RNF17: variants seen among roughly 807,000 people sequenced by gnomAD.
RNF17 encodes the protein spermatogenesis associated 23.
In RNF17, 31 loss-of-function variants were observed where a neutral mutation model predicts 200.5. The observed-to-expected ratio is 0.15, with a 90% CI of 0.12 to 0.21. The LOEUF (loss-of-function observed/expected upper bound fraction) is 0.21. Ranked by LOEUF, RNF17 falls within the 10% of genes least tolerant of loss-of-function variation. The probability of loss-of-function intolerance (pLI) is 1.00; values close to 1 mark genes in which losing one functional copy is unlikely to be tolerated. For missense variants in RNF17, 1,628 were observed against 1,905.1 expected (o/e 0.85, Z 2.71); for synonymous variants, 606 against 637.8 (o/e 0.95, Z 0.75).
chr13:24,826,013 AG>A, intron 16 of RNF17: 1 of 984,928 alleles, frequency 1.0e-6, no homozygotes, highest in Non-Finnish European at 1.2e-6. Flanking sequence ...GATAGAACAA[AG>A]CAACAGAAAT....
the RNF17 span, among the ~76,000 whole-genome samples, chr13:24,885,040 A>C: frequency 1.3e-5 from 2 of 152,222 alleles, no homozygotes; most frequent in East Asian, 3.8e-4. Context: ...GCTGCAAGAA[A>C]GGAAGACCTA....
rs184509116 is a variant in RNF17 at position 24,851,674 on chromosome 13, G to T, written c.3320+103G>T. 4,600 of 679,236 alleles carry T rather than the reference G, an allele frequency of 6.8e-3. 21 individuals carry two copies. Among genetic ancestry groups the T allele is most frequent in the Non-Finnish European group, 9.3e-3 (3,773 of 405,754 alleles). The allele number at this position is 679,236 out of a possible 1,614,324, so 42.1% of individuals were successfully genotyped here. On this transcript the variant is annotated intron_variant, in intron 24 of 35. Coordinates refer to ENST00000255324, the MANE Select transcript of RNF17 (RefSeq NM_031277.3). Reference sequence around the variant, plus strand: ...TTCAAGTCTGAATTGCATCTTGTTTGCTCTTAAAGATTTATAAGCTGACCC... The same window carrying T: ...TTCAAGTCTGAATTGCATCTTGTTTTCTCTTAAAGATTTATAAGCTGACCC...
intron 15 of RNF17, among the ~76,000 whole-genome samples, chr13:24,807,311 T>A (rs1359016264): frequency 1.3e-5 from 2 of 151,288 alleles, no homozygotes; most frequent in African/African-American, 4.9e-5. Context: ...CCAGCACCTG[T>A]TGTTTCCTGA....
Position 24,820,144 on chromosome 13 carries a change from CAA to C in RNF17, c.2092-5474_2092-5473del, listed in dbSNP as rs1318288063. On this transcript the variant is annotated intron_variant, in intron 15 of 35. Transcript: ENST00000255324. Reference sequence around the variant, plus strand: ...TTCTTTTTTTTTTTTTTTTTTGAGACAAGAGTCTTGCTCTCTTGCCCAGGCTG... The same window carrying C: ...TTCTTTTTTTTTTTTTTTTTTGAGACGAGTCTTGCTCTCTTGCCCAGGCTG... Among the ~76,000 whole-genome samples the C allele has an allele frequency of 4.5e-4, 56 of 124,348 alleles. 1 individual carries two copies. The highest frequency in any genetic ancestry group is 4.5e-3 in the Admixed American group (45 of 10,076). The allele number at this position is 124,348 out of a possible 152,430, so 81.6% of individuals were successfully genotyped here.
intron 25 of RNF17, among the ~76,000 whole-genome samples, 159 bp downstream of exon 25, chr13:24,854,303 A>G (rs1161193249): frequency 6.6e-6 from 1 of 152,226 alleles, no homozygotes; most frequent in African/African-American, 2.4e-5. Flanking sequence ...AATGCCTAAC[A>G]TAAAAATCAT....
intron 2 of RNF17, among the ~76,000 whole-genome samples, chr13:24,770,089 A>G (rs9507406): frequency 0.13 from 19,251 of 152,192 alleles, 1,515 homozygotes; most frequent in East Asian, 0.28. Context: ...TCATCCAATC[A>G]ATAGATAATT....
chr13:24,782,840 T>C (rs1190964458), intron 6 of RNF17, among the ~76,000 whole-genome samples: 1 of 152,200 alleles, frequency 6.6e-6, no homozygotes, highest in Non-Finnish European at 1.5e-5. Context: ...CAATATTTTC[T>C]CCCATTTGTA....
At chr13:24,773,639 A>G (rs563930905) in intron 2 of RNF17, among the ~76,000 whole-genome samples, 124 of 152,312 alleles carry the variant, frequency 8.1e-4, no homozygotes, top group African/African-American at 2.8e-3. Flanking sequence ...CCCAGACCTC[A>G]GCATCATGCC....
downstream of RNF17, chr13:24,883,466 C>G (rs1478066717): frequency 1.5e-5 from 14 of 931,906 alleles, no homozygotes; most frequent in Non-Finnish European, 2.3e-5. Flanking sequence ...AGTCTGGCAG[C>G]TACTTCTGGA....
chr13:24,875,387 A>G (rs1041991415), intron 33 of RNF17, among the ~76,000 whole-genome samples: 5 of 152,222 alleles, frequency 3.3e-5, no homozygotes, highest in East Asian at 1.9e-4. Context: ...GATGAAGCCC[A>G]TAGCAGTAGT....
At chr13:24,788,305 G>A (rs2121250) in intron 7 of RNF17, 146 bp downstream of exon 7, 74,184 of 520,608 alleles carry the variant, frequency 0.14, 6,088 homozygotes, top group East Asian at 0.23. Flanking sequence ...ATATAGGTTA[G>A]GATAGTCTAA....
chr13:24,771,323 CTTTTTTTTTTTTTT>C (rs35220494), intron 2 of RNF17, among the ~76,000 whole-genome samples: 14 of 78,016 alleles, frequency 1.8e-4, no homozygotes, highest in African/African-American at 3.2e-4. Context: ...CACAGATAAT[CTTTTTTTTTTTTTT>C]TTTTTTTTTT....
At chr13:24,885,231 T>C in the RNF17 span, 1 of 1,267,332 alleles carries the variant, frequency 7.9e-7, no homozygotes, top group South Asian at 1.2e-5. Flanking sequence ...TTTTAACCCA[T>C]GTTTATTTTT....
intron 24 of RNF17, among the ~76,000 whole-genome samples, chr13:24,852,381 G>A (rs1179776047): frequency 1.3e-5 from 2 of 152,036 alleles, no homozygotes; most frequent in East Asian, 1.9e-4. Flanking sequence ...CTCGTGATCT[G>A]CCCGCCTTGG....
chr13:24,789,251 A>G lies in RNF17; in HGVS notation c.784-97A>G, dbSNP rs1403770166. The G allele has an allele frequency of 3.7e-6, 3 of 805,698 alleles. No homozygotes were observed. In the African/African-American group the frequency reaches 5.1e-5, roughly 14 times the overall value. 49.9% of individuals were successfully genotyped at this position (805,698 alleles called of 1,614,324 possible). On this transcript the variant is annotated intron_variant, in intron 7 of 35. Transcript: ENST00000255324. ...TTGAGCCTGAATGCAATAATTAATG[A>G]AATACCTAAAAGATACAGTTTTCTT...
intron 9 of RNF17, among the ~76,000 whole-genome samples, chr13:24,791,368 GGTTT>G (rs1408276708): frequency 1.3e-5 from 2 of 152,118 alleles, no homozygotes; most frequent in Admixed American, 1.3e-4. Flanking sequence ...CATCATCAAT[GGTTT>G]GTTACGCTTT....
chr13:24,802,628 A>T, intron 14 of RNF17, 57 bp downstream of exon 14: 1 of 1,419,622 alleles, frequency 7.0e-7, no homozygotes, highest in South Asian at 1.4e-5. Flanking sequence ...AAATGAGAGT[A>T]GCAGATTTTG....
At chr13:24,881,600 C>A (rs1953818911), downstream of RNF17, among the ~76,000 whole-genome samples, 1 of 151,058 alleles carries the variant, frequency 6.6e-6, no homozygotes, top group Admixed American at 6.6e-5. Flanking sequence ...ATAGATATAT[C>A]TATCTAGATT....
At chr13:24,881,960 A>C (rs200811726), downstream of RNF17, among the ~76,000 whole-genome samples, 67 of 17,998 alleles carry the variant, frequency 3.7e-3, 15 homozygotes, top group African/African-American at 8.7e-3. Context: ...ATATAGATAC[A>C]TCTAGATATA....
Sources: gnomAD v4.1 joint callset for allele counts (sites outside exome capture counted in the v4.1 genomes callset) on GRCh38, gnomAD v4.1.1 for gene constraint, MANE v1.5 for transcripts, NCBI Gene and HGNC (gene_info 2026-07-23, HGNC 2026-07-21) for gene names.